ZNF14: variants seen among roughly 807,000 people sequenced by gnomAD.
ZNF14 encodes the protein zinc finger protein 14.
In ZNF14, 9 loss-of-function variants were observed where a neutral mutation model predicts 11.3. That is an observed-to-expected ratio of 0.80 (90% CI 0.48 to 1.39). ZNF14 has a LOEUF of 1.39. ZNF14 is among the 40% of genes most tolerant of loss of function. The pLI is 0.00. For missense variants in ZNF14, 711 were observed against 763.9 expected (o/e 0.93, Z 0.82); for synonymous variants, 239 against 245.7 (o/e 0.97, Z 0.25).
intron 1 of ZNF14, 100 bp downstream of exon 1, chr19:19,732,856 G>A: frequency 6.6e-7 from 1 of 1,509,280 alleles, no homozygotes; most frequent in Non-Finnish European, 9.0e-7. Context: ...TGGCCCCCGG[G>A]TCTGCAAACC....
Position 19,712,806 on chromosome 19 carries a change from G to A in ZNF14, c.475C>T (p.His159Tyr), listed in dbSNP as rs766215990. Reference protein sequence around the residue: ...TFSYHHCFRKHERTHTGVKPY... With the variant: ...TFSYHHCFRKYERTHTGVKPY... The stretch of plus-strand genomic sequence containing the variant: ...TTCACTCCAGTGTGAGTTCTTTCAT[G>A]TTTGCGAAAGCAGTGGTGATAACTG... The change falls in exon 4 of 4, where the codon CAT (histidine) becomes TAT (tyrosine). Residue 159 changes from histidine (H) to tyrosine (Y), a missense_variant. Coordinates refer to ENST00000344099, the MANE Select transcript of ZNF14 (RefSeq NM_021030.3). 2.5e-6 allele frequency: 4 copies of A among 1,614,174 alleles called. No individual in the cohort carries two copies. The Admixed American group carries it at 5.0e-5, about 20-fold the overall frequency.
intron 1 of ZNF14, among the ~76,000 whole-genome samples, chr19:19,714,713 CTTTTTTTTT>C (rs3031866): frequency 2.4e-5 from 3 of 122,850 alleles, no homozygotes; most frequent in African/African-American, 8.9e-5. Flanking sequence ...TTTTCTTTTT[CTTTTTTTTT>C]TTTTTTTGAG....
At chr19:19,714,749 T>C in intron 1 of ZNF14, among the ~76,000 whole-genome samples, 1 of 145,584 alleles carries the variant, frequency 6.9e-6, no homozygotes, top group Non-Finnish European at 1.5e-5. Context: ...TCTTGCTTTA[T>C]TGCCCAGGCT....
intron 1 of ZNF14, among the ~76,000 whole-genome samples, chr19:19,719,697 C>T (rs2062387083): frequency 1.3e-5 from 2 of 151,890 alleles, no homozygotes; most frequent in Non-Finnish European, 2.9e-5. Context: ...GGAAGAACAA[C>T]AACAAATAGA....
At chr19:19,732,740 G>A (rs2062427673) in intron 1 of ZNF14, among the ~76,000 whole-genome samples, 1 of 152,220 alleles carries the variant, frequency 6.6e-6, no homozygotes, top group Non-Finnish European at 1.5e-5. Flanking sequence ...GAGGGCTCCA[G>A]GACCGGGGGC....
intron 3 of ZNF14, 31 bp from the exon 4 acceptor site, chr19:19,713,120 G>A (rs1391290146): frequency 6.6e-7 from 1 of 1,518,694 alleles, no homozygotes; most frequent in Admixed American, 2.3e-5. Flanking sequence ...ATTATTAGTG[G>A]CTTTTTAATT....
chr19:19,711,367 CAT>C lies in ZNF14; in HGVS notation c.1912_1913del (p.Met638GlyfsTer8), dbSNP rs1188660466. The C allele has an allele frequency of 5.8e-6, 9 of 1,558,022 alleles. No homozygotes were observed. The highest frequency in any genetic ancestry group is 2.2e-5 in the East Asian group (1 of 44,558). ...GCTTATATTCTTAGACTTTCTCTCC[CAT>C]ATGAGTCCTTTCATGCAGTCGAAAG... The part of the protein sequence containing the change: ...SHFRLHERTH[M>X]GEKV On this transcript the variant is annotated frameshift_variant, in exon 4 of 4. Coordinates refer to ENST00000344099, the MANE Select transcript of ZNF14 (RefSeq NM_021030.3). LOFTEE classifies it high-confidence loss of function.
rs1040960558 is a variant in ZNF14, at chr19:19,730,410, A to G, written c.3+2546T>C. On this transcript the variant is annotated intron_variant, in intron 1 of 3. Coordinates refer to ENST00000344099, the MANE Select transcript of ZNF14 (RefSeq NM_021030.3). ...AACTACCACTTTCATACTCTCCTCT[A>G]TCTCACAGACAATGAAATACAATCA... is the stretch of plus-strand genomic sequence containing the variant. 6.6e-5 allele frequency among the ~76,000 whole-genome samples: 10 copies of G among 152,274 alleles called. No homozygotes were observed. In the South Asian group the frequency reaches 1.4e-3, roughly 22 times the overall value.
intron 1 of ZNF14, among the ~76,000 whole-genome samples, chr19:19,731,248 T>A (rs1439733741): frequency 6.6e-6 from 1 of 152,106 alleles, no homozygotes; most frequent in East Asian, 1.9e-4. Flanking sequence ...AAACTAGATA[T>A]GGTACCCAAA....
chr19:19,715,151 C>A (rs2062374446), intron 1 of ZNF14, among the ~76,000 whole-genome samples: 1 of 152,310 alleles, frequency 6.6e-6, no homozygotes, highest in South Asian at 2.1e-4. Context: ...GAGAAAAACT[C>A]ATTTCCTACC....
At position 19,728,515 on chromosome 19, in the gene ZNF14, C is replaced by CAAAA. The variant is rs56355771; in HGVS notation, c.3+4437_3+4440dup. On this transcript the variant is annotated intron_variant, in intron 1 of 3. Transcript: ENST00000344099. ...TGTGCGAAAGTGCGAAACTCCGTCT[C>CAAAA]AAAAAAAAAAAAAAAAAAAAACATA... Among the ~76,000 whole-genome samples, 87 of 53,320 alleles carry CAAAA rather than the reference C, an allele frequency of 1.6e-3. 2 individuals are homozygous for CAAAA. Among genetic ancestry groups the CAAAA allele is most frequent in the South Asian group, 2.6e-3 (3 of 1,162 alleles). 35.0% of individuals were successfully genotyped at this position (53,320 alleles called of 152,430 possible).
intron 1 of ZNF14, among the ~76,000 whole-genome samples, chr19:19,718,644 A>AC (rs1456221609): frequency 2.6e-5 from 4 of 152,152 alleles, no homozygotes; most frequent in Non-Finnish European, 2.9e-5. Context: ...CAACATAAAT[A>AC]CCCCCAAATC....
intron 3 of ZNF14, 63 bp downstream of exon 3, chr19:19,714,028 G>T: frequency 6.8e-7 from 1 of 1,466,078 alleles, no homozygotes; most frequent in Non-Finnish European, 9.4e-7. Flanking sequence ...GTGCTTAATT[G>T]TTTTGCTTGC....
rs867744366 is a variant in ZNF14, at chr19:19,726,452, G to A, written c.3+6504C>T. On this transcript the variant is annotated intron_variant, in intron 1 of 3. Coordinates refer to ENST00000344099, the MANE Select transcript of ZNF14 (RefSeq NM_021030.3). ...GCCTGATCCTTCCTCTTGAAGCTTC[G>A]TCTCAGAGGGGCACCCGGCTGTATG... 1.2e-4 allele frequency among the ~76,000 whole-genome samples: 16 copies of A among 133,550 alleles called. 4 individuals carry two copies. Among genetic ancestry groups the A allele is most frequent in the African/African-American group, 2.5e-4 (9 of 36,076 alleles). 87.6% of individuals were successfully genotyped at this position (133,550 alleles called of 152,430 possible).
At chr19:19,715,670 A>G (rs2062375933) in intron 1 of ZNF14, among the ~76,000 whole-genome samples, 1 of 152,196 alleles carries the variant, frequency 6.6e-6, no homozygotes, top group African/African-American at 2.4e-5. Context: ...CAGCTAGAGA[A>G]ACAGTCTTCA....
intron 3 of ZNF14, among the ~76,000 whole-genome samples, chr19:19,713,763 T>TTTTTTTTTTTTC (rs1555761279): frequency 1.3e-5 from 2 of 148,816 alleles, no homozygotes; most frequent in South Asian, 2.2e-4. Flanking sequence ...TTTTTTTTTT[T>TTTTTTTTTTTTC]CCCCAGATGA....
At chr19:19,732,772 G>T (rs1248270439) in intron 1 of ZNF14, among the ~76,000 whole-genome samples, 184 bp downstream of exon 1, 2 of 152,190 alleles carry the variant, frequency 1.3e-5, no homozygotes, top group African/African-American at 4.8e-5. Flanking sequence ...CGCGGGGACG[G>T]GACAGGACGC....
At position 19,713,748 on chromosome 19, in the gene ZNF14, C is replaced by CTTTTTTTTTTT. The variant is rs71172526; in HGVS notation, c.191+332_191+342dup. Among the ~76,000 whole-genome samples, 109 of 120,184 alleles carry CTTTTTTTTTTT rather than the reference C, an allele frequency of 9.1e-4. 4 individuals are homozygous for CTTTTTTTTTTT. Among genetic ancestry groups the CTTTTTTTTTTT allele is most frequent in the Middle Eastern group, 5.2e-3 (1 of 192 alleles). 78.8% of individuals were successfully genotyped at this position (120,184 alleles called of 152,430 possible). On this transcript the variant is annotated intron_variant, in intron 3 of 3. Coordinates refer to ENST00000344099, the MANE Select transcript of ZNF14 (RefSeq NM_021030.3). Reference sequence around the variant, plus strand: ...ACAGGCATGAGCCACTGTGCCAGGCCTTTTTTTTTTTTTTTCCCCAGATGA... The same window carrying CTTTTTTTTTTT: ...ACAGGCATGAGCCACTGTGCCAGGCCTTTTTTTTTTTTTTTTTTTTTTTTTTCCCCAGATGA...
chr19:19,719,215 A>G (rs1010763876), intron 1 of ZNF14, among the ~76,000 whole-genome samples: 1 of 152,232 alleles, frequency 6.6e-6, no homozygotes, highest in Non-Finnish European at 1.5e-5. Context: ...TGAGATAAGA[A>G]AAGATAATCT....
Sources: allele counts gnomAD v4.1 joint callset (sites outside exome capture counted in the v4.1 genomes callset), GRCh38; gene constraint gnomAD v4.1.1; transcripts MANE v1.5; gene names NCBI Gene and HGNC (gene_info 2026-07-23, HGNC 2026-07-21).